The following VPS26C variants were observed in gnomAD, a reference collection of about 807,000 sequenced individuals.
VPS26C encodes the protein VPS26 endosomal protein sorting factor C.
A neutral mutation model predicts 30.6 loss-of-function variants in VPS26C; 19 were observed. The observed-to-expected ratio is 0.62, with a 90% CI of 0.43 to 0.91. The LOEUF (loss-of-function observed/expected upper bound fraction) is 0.91, where lower values mean the gene tolerates loss of function less well. Ranked by LOEUF, VPS26C falls within the 40% of genes least tolerant of loss-of-function variation. The pLI is 0.00. For synonymous variants in VPS26C, 132 were observed against 151.5 expected, an observed-to-expected ratio of 0.87 and a Z score of 0.95; for missense variants, 318 against 385.1, an observed-to-expected ratio of 0.83 and a Z score of 1.46.
rs368795275 is a variant in VPS26C, at chr21:37,227,843, G to T, written c.659-37C>A. The T allele has an allele frequency of 6.5e-5, 95 of 1,468,134 alleles. No individual in the cohort carries two copies. The East Asian group carries it at 2.3e-3, about 36-fold the overall frequency. The allele number at this position is 1,468,134 out of a possible 1,614,324, so 90.9% of individuals were successfully genotyped here. A position where few individuals can be genotyped will look rare whatever the true frequency, so the allele number is the denominator to read the frequency against. Reference sequence around the variant, plus strand: ...AGGCCACATCACGCGGTCAGGGCCAGCAGAGGCTGCGGGGTCCACATCCGC... The same window carrying T: ...AGGCCACATCACGCGGTCAGGGCCATCAGAGGCTGCGGGGTCCACATCCGC... On this transcript the variant is annotated intron_variant, in intron 6 of 7. Transcript: ENST00000309117.
At chr21:37,243,225 G>A (rs1602274375) in intron 1 of VPS26C, among the ~76,000 whole-genome samples, 2 of 152,076 alleles carry the variant, frequency 1.3e-5, no homozygotes, top group Non-Finnish European at 2.9e-5. Context: ...AAGATTTATG[G>A]CTCCAGATAG....
intron 2 of VPS26C, among the ~76,000 whole-genome samples, chr21:37,238,856 A>G (rs1029673247): frequency 1.4e-4 from 22 of 152,230 alleles, no homozygotes; most frequent in East Asian, 7.7e-4. Context: ...AACTGAACTG[A>G]TACATCCCTC....
intron 1 of VPS26C, among the ~76,000 whole-genome samples, chr21:37,250,350 T>C (rs757102091): frequency 3.6e-4 from 55 of 151,876 alleles, no homozygotes; most frequent in Non-Finnish European, 7.4e-5. Flanking sequence ...ACTTTTTGTG[T>C]ATGACAAATG....
At chr21:37,227,369 T>C (rs1018632605) in intron 7 of VPS26C, 9 of 415,782 alleles carry the variant, frequency 2.2e-5, no homozygotes, top group Non-Finnish European at 4.0e-5. Context: ...CACCTGCCCA[T>C]GTCTACACTG....
intron 3 of VPS26C, among the ~76,000 whole-genome samples, chr21:37,237,930 C>A (rs182132300): frequency 7.2e-5 from 11 of 152,322 alleles, no homozygotes; most frequent in Admixed American, 7.2e-4. Context: ...TATCTCACCC[C>A]GCGTGGACTC....
intron 7 of VPS26C, 135 bp downstream of exon 7, chr21:37,227,519 G>A: frequency 9.9e-7 from 1 of 1,009,938 alleles, no homozygotes; most frequent in South Asian, 1.5e-5. Flanking sequence ...GCTCTGAGCT[G>A]TATGGCCTGT....
intron 5 of VPS26C, among the ~76,000 whole-genome samples, 158 bp downstream of exon 5, chr21:37,232,219 A>T (rs1307277335): frequency 6.6e-6 from 1 of 152,232 alleles, no homozygotes; most frequent in Non-Finnish European, 1.5e-5. Flanking sequence ...CTTAAAAAGG[A>T]AATCAAATGG....
At chr21:37,242,705 AGC>A (rs1186792516) in intron 1 of VPS26C, among the ~76,000 whole-genome samples, 2 of 152,242 alleles carry the variant, frequency 1.3e-5, no homozygotes, top group African/African-American at 4.8e-5. Flanking sequence ...ACCACACAGT[AGC>A]GCCTGAGGAT....
At chr21:37,267,352 G>A (rs1569245136), upstream of VPS26C, 5 of 1,509,678 alleles carry the variant, frequency 3.3e-6, no homozygotes, top group Admixed American at 3.4e-5. Flanking sequence ...GGGAAACAAG[G>A]GGCGCCTCCC....
chr21:37,232,276 T>C, intron 5 of VPS26C, 101 bp downstream of exon 5: 2 of 910,136 alleles, frequency 2.2e-6, no homozygotes, highest in Non-Finnish European at 1.8e-6. Context: ...TGCCGGCTGA[T>C]GACGTGATTT....
At chr21:37,241,866 T>C (rs2086091213) in intron 1 of VPS26C, among the ~76,000 whole-genome samples, 1 of 152,184 alleles carries the variant, frequency 6.6e-6, no homozygotes, top group South Asian at 2.1e-4. Context: ...GATCAAACCA[T>C]TAAAAAACAT....
chr21:37,267,209 C>CAACAAA, intron 1 of VPS26C, 29 bp downstream of exon 1: 2 of 1,025,896 alleles, frequency 1.9e-6, no homozygotes, highest in Non-Finnish European at 3.0e-6. Flanking sequence ...CCAACCCCAC[C>CAACAAA]TCCATCCCCA....
chr21:37,232,239 A>T, intron 5 of VPS26C, 138 bp downstream of exon 5: 3 of 710,172 alleles, frequency 4.2e-6, no homozygotes, highest in Non-Finnish European at 7.3e-6. Flanking sequence ...GAAAATACTG[A>T]GTAATTTGGG....
chr21:37,263,886 T>A (rs1167289531), intron 1 of VPS26C, among the ~76,000 whole-genome samples: 1 of 152,138 alleles, frequency 6.6e-6, no homozygotes, highest in Non-Finnish European at 1.5e-5. Context: ...TGCAGCCAGC[T>A]AAGGGTGAGG....
rs762662868 is a variant in VPS26C at position 37,232,446 on chromosome 21, C to G, written c.438G>C (p.Gln146His). 3 of 1,614,134 alleles carry G rather than the reference C, an allele frequency of 1.9e-6. No individual in the cohort carries two copies. Among genetic ancestry groups the G allele is most frequent in the East Asian group, 4.5e-5 (2 of 44,888 alleles). ...CGGGACTGGGAGTAAACTTCCCCTT[C>G]TGAGGCTAAAACGAGAGGTGAAACC... is the stretch of plus-strand genomic sequence containing the variant. ...TCEFIVHSAP[Q>H]KGKFTPSPVD... The change falls in exon 5 of 8, where the codon CAG becomes CAC. Residue 146 changes from glutamine to histidine, a missense_variant. By Grantham distance (24) the Gln-to-His change is conservative. Coordinates refer to ENST00000309117, the MANE Select transcript of VPS26C (RefSeq NM_006052.2).
chr21:37,238,396 A>C, intron 3 of VPS26C, 64 bp downstream of exon 3: 2 of 1,565,984 alleles, frequency 1.3e-6, no homozygotes, highest in Non-Finnish European at 1.7e-6. Flanking sequence ...GTTGAGAGAA[A>C]GACCACACCG....
chr21:37,265,399 A>G (rs909959200), intron 1 of VPS26C, among the ~76,000 whole-genome samples: 8 of 152,182 alleles, frequency 5.3e-5, no homozygotes, highest in Non-Finnish European at 8.8e-5. Context: ...TCCTATACAC[A>G]TATGTGCATA....
rs1298698454 is a variant in VPS26C, at chr21:37,233,145, C to G, written c.432+217G>C. On this transcript the variant is annotated intron_variant, in intron 4 of 7. Transcript: ENST00000309117. The surrounding 1 kb of genome is among the most constrained non-coding windows in gnomAD (Gnocchi z 5.2). ...CCTGATGTGCCGACGTGGAGTCCCTCTGGCCCGCGGCCTCAGCTGGGGGAC... is the reference window on the plus strand; with the variant it reads ...CCTGATGTGCCGACGTGGAGTCCCTGTGGCCCGCGGCCTCAGCTGGGGGAC... 2 of 524,218 alleles carry G rather than the reference C, an allele frequency of 3.8e-6. No homozygotes were observed. Among genetic ancestry groups the G allele is most frequent in the Non-Finnish European group, 6.9e-6 (2 of 289,792 alleles). The allele number at this position is 524,218 out of a possible 1,614,324, so 32.5% of individuals were successfully genotyped here.
chr21:37,227,554 G>C (rs1336908924), intron 7 of VPS26C, 100 bp downstream of exon 7: 1 of 1,399,766 alleles, frequency 7.1e-7, no homozygotes, highest in Non-Finnish European at 9.9e-7. Context: ...CTGAGGGACC[G>C]AAGGGCGGCA....
Sources: gnomAD v4.1 joint callset for allele counts (sites outside exome capture counted in the v4.1 genomes callset) on GRCh38, gnomAD v4.1.1 for gene constraint, Gnocchi (gnomAD v3.1) non-coding constraint, MANE v1.5 for transcripts, NCBI Gene and HGNC (gene_info 2026-07-23, HGNC 2026-07-21) for gene names.